The following DMXL2 variants were observed in gnomAD, a reference collection of about 807,000 sequenced individuals.
DMXL2 encodes dmX-like protein 2.
In DMXL2, 103 loss-of-function variants were observed where a neutral mutation model predicts 331.1. The observed-to-expected ratio is 0.31, with a 90% CI of 0.27 to 0.37. DMXL2 has a LOEUF of 0.37. DMXL2 is among the 10% of genes least tolerant of loss of function. DMXL2 has a pLI of 1.00. For missense variants in DMXL2, 3,171 were observed against 3,642.9 expected, an observed-to-expected ratio of 0.87 and a Z score of 3.33; for synonymous variants, 1,281 against 1,252.1, an observed-to-expected ratio of 1.02 and a Z score of -0.49.
intron 11 of DMXL2, among the ~76,000 whole-genome samples, chr15:51,537,248 C>G (rs1407334020): frequency 6.6e-6 from 1 of 152,100 alleles, no homozygotes; most frequent in East Asian, 1.9e-4. Context: ...CCTCAAAAAT[C>G]AACACATATA....
At chr15:51,462,584 G>A (rs1008053046) in intron 33 of DMXL2, among the ~76,000 whole-genome samples, 1 of 152,094 alleles carries the variant, frequency 6.6e-6, no homozygotes, top group Admixed American at 6.6e-5. Context: ...TGATCTGCCC[G>A]CCTCGGCCTC....
chr15:51,582,159 T>C (rs926799805), intron 1 of DMXL2, among the ~76,000 whole-genome samples: 2 of 152,140 alleles, frequency 1.3e-5, no homozygotes, highest in African/African-American at 2.4e-5. Flanking sequence ...TCATTCTATA[T>C]TCCTAATCTT....
chr15:51,509,678 A>C (rs1348980288), intron 15 of DMXL2, among the ~76,000 whole-genome samples: 1 of 152,220 alleles, frequency 6.6e-6, no homozygotes, highest in Non-Finnish European at 1.5e-5. Flanking sequence ...TCAATAGAAA[A>C]AGAGGGACTC....
At chr15:51,521,178 G>GT (rs1219958377) in intron 13 of DMXL2, among the ~76,000 whole-genome samples, 2 of 152,120 alleles carry the variant, frequency 1.3e-5, no homozygotes, top group Non-Finnish European at 2.9e-5. Context: ...AGCCGTAGTT[G>GT]TAAGAGTTTG....
Position 51,480,528 on chromosome 15 carries a change from A to G in DMXL2, c.6564+14T>C. The G allele has an allele frequency of 1.3e-6, 2 of 1,483,112 alleles. No homozygotes were observed. 91.9% of individuals were successfully genotyped at this position (1,483,112 alleles called of 1,614,324 possible). ...CTGAAATAACCAAGATTGAAAAAAAAGTGATATTCACACCTGTTGTGATTC... is the reference window on the plus strand; with the variant it reads ...CTGAAATAACCAAGATTGAAAAAAAGGTGATATTCACACCTGTTGTGATTC... On this transcript the variant is annotated intron_variant, in intron 24 of 43. Coordinates refer to ENST00000560891, the MANE Select transcript of DMXL2 (RefSeq NM_001378457.1).
intron 1 of DMXL2, among the ~76,000 whole-genome samples, chr15:51,576,668 A>T (rs1299635536): frequency 6.6e-6 from 1 of 152,202 alleles, no homozygotes; most frequent in African/African-American, 2.4e-5. Flanking sequence ...AAACATGAAC[A>T]ACAAAGGCAG....
intron 28 of DMXL2, among the ~76,000 whole-genome samples, chr15:51,473,035 T>C (rs751643430): frequency 3.9e-5 from 6 of 152,210 alleles, no homozygotes; most frequent in Non-Finnish European, 8.8e-5. Context: ...TGGGTAGTTC[T>C]TGGAAAAGGC....
chr15:51,586,983 T>A (rs1221126615), intron 1 of DMXL2, among the ~76,000 whole-genome samples: 2 of 144,334 alleles, frequency 1.4e-5, no homozygotes, highest in South Asian at 2.2e-4. Context: ...CAAAAATCTC[T>A]AAAAAAAAAA....
chr15:51,465,975 G>A (rs2040532216), intron 30 of DMXL2, among the ~76,000 whole-genome samples: 1 of 152,068 alleles, frequency 6.6e-6, no homozygotes, highest in African/African-American at 2.4e-5. Context: ...AGATGCTTGT[G>A]TTTGCACTCT....
chr15:51,566,685 A>G (rs1018127974), intron 3 of DMXL2, among the ~76,000 whole-genome samples: 2 of 152,226 alleles, frequency 1.3e-5, no homozygotes, highest in Non-Finnish European at 2.9e-5. Context: ...ATTCAAATAC[A>G]TATATTTAAT....
At chr15:51,514,401 A>C (rs2046917134) in intron 15 of DMXL2, 41 bp downstream of exon 15, 1 of 1,155,564 alleles carries the variant, frequency 8.7e-7, no homozygotes, top group African/African-American at 1.6e-5. Context: ...ATCATTTTTT[A>C]GCATGAAGGT....
rs552062958 is a variant in DMXL2, at chr15:51,587,275, A to G, written c.88-11094T>C. Reference sequence around the variant, plus strand: ...GTTGGTGTGCTGCACCCATTAACTCATCATTTAGCATTAGGTATATCTCCT... The same window carrying G: ...GTTGGTGTGCTGCACCCATTAACTCGTCATTTAGCATTAGGTATATCTCCT... On this transcript the variant is annotated intron_variant, in intron 1 of 43. Coordinates refer to ENST00000560891, the MANE Select transcript of DMXL2 (RefSeq NM_001378457.1). Among the ~76,000 whole-genome samples, 58 of 152,186 alleles carry G rather than the reference A, an allele frequency of 3.8e-4. 1 individual carries two copies. The highest frequency in any genetic ancestry group is 1.0e-3 in the South Asian group (5 of 4,808).
chr15:51,569,916 G>A (rs896738206), intron 2 of DMXL2, among the ~76,000 whole-genome samples: 1 of 152,034 alleles, frequency 6.6e-6, no homozygotes, highest in South Asian at 2.1e-4. Context: ...CGCCAGCAAG[G>A]GAACAAAACT....
In DMXL2 at chr15:51,622,462, G is replaced by T; in HGVS notation, c.84C>A (p.Phe28Leu). ...YSVGSVGDVPFTAYGSGCDIV... is the reference protein window; with the variant it reads ...YSVGSVGDVPLTAYGSGCDIV... The stretch of plus-strand genomic sequence containing the variant: ...AGGGCTCCCGGCCGCCGCTCACCGT[G>T]AAGGGGACATCCCCGACGCTGCCCA... The change falls in exon 1 of 44, where the codon TTC becomes TTA. Residue 28 changes from phenylalanine to leucine, a missense_variant. Transcript: ENST00000560891. 6.4e-7 allele frequency: 1 copy of T among 1,562,506 alleles called. No homozygotes were observed.
At chr15:51,464,643 G>T in intron 32 of DMXL2, 32 bp downstream of exon 32, 2 of 1,585,612 alleles carry the variant, frequency 1.3e-6, no homozygotes, top group Non-Finnish European at 1.7e-6. Flanking sequence ...GTTAAGCTAC[G>T]CTCTTTATCA....
chr15:51,603,949 A>G (rs566392578), intron 1 of DMXL2, among the ~76,000 whole-genome samples: 47 of 152,278 alleles, frequency 3.1e-4, no homozygotes, highest in South Asian at 6.2e-4. Context: ...CAAAAACAGT[A>G]CAGGAGAAAA....
chr15:51,514,070 T>G (rs1249259909), intron 15 of DMXL2, among the ~76,000 whole-genome samples: 7 of 152,176 alleles, frequency 4.6e-5, no homozygotes, highest in Non-Finnish European at 5.9e-5. Context: ...TATTCATCAT[T>G]GGTCTGAAGC....
At chr15:51,510,253 G>A (rs971186944) in intron 15 of DMXL2, among the ~76,000 whole-genome samples, 1 of 152,218 alleles carries the variant, frequency 6.6e-6, no homozygotes, top group Non-Finnish European at 1.5e-5. Context: ...AATAGGAAGA[G>A]AGGAAGTCAA....
intron 20 of DMXL2, among the ~76,000 whole-genome samples, chr15:51,490,497 G>A (rs1283319732): frequency 6.6e-6 from 1 of 152,182 alleles, no homozygotes; most frequent in Non-Finnish European, 1.5e-5. Context: ...GGACTAAAAG[G>A]AAAATATGAA....
Sources: gnomAD v4.1 joint callset for allele counts (sites outside exome capture counted in the v4.1 genomes callset) on GRCh38, gnomAD v4.1.1 for gene constraint, MANE v1.5 for transcripts, NCBI Gene and HGNC (gene_info 2026-07-23, HGNC 2026-07-21) for gene names.